Variants in MEF2C observed in about 807,000 individuals in gnomAD.
The protein encoded by MEF2C is myocyte-specific enhancer factor 2C.
Under a neutral mutation model 50.5 loss-of-function variants are expected in MEF2C, and 6 were observed. The observed-to-expected ratio is 0.12, with a 90% CI of 0.07 to 0.23. The LOEUF is 0.23. Ranked by LOEUF, MEF2C falls within the 10% of genes least tolerant of loss-of-function variation. The pLI, the probability that MEF2C is intolerant of heterozygous loss-of-function variation, is 1.00. For missense variants in MEF2C, 276 were observed against 605.0 expected, an observed-to-expected ratio of 0.46 and a Z score of 5.70; for synonymous variants, 183 against 228.0, an observed-to-expected ratio of 0.80 and a Z score of 1.78.
rs304144 is a variant in MEF2C at position 88,868,782 on chromosome 5, G to A, written c.-143+14173C>T. On this transcript the variant is annotated intron_variant, in intron 1 of 10. Transcript: ENST00000504921. ...AACAAAGCAATGAAATTACTTACAG[G>A]TTAGATAAAAAGTCGAGTTATCTGA... Among the ~76,000 whole-genome samples the A allele has an allele frequency of 2.2e-3, 341 of 152,188 alleles. 3 individuals carry two copies. The highest frequency in any genetic ancestry group is 7.9e-3 in the African/African-American group (329 of 41,542).
chr5:88,755,385 C>T (rs188071903), intron 4 of MEF2C, among the ~76,000 whole-genome samples: 1 of 152,274 alleles, frequency 6.6e-6, no homozygotes, highest in African/African-American at 2.4e-5. Context: ...TAACTAGTGA[C>T]TGAGTCTGTT....
At chr5:88,748,625 G>A (rs999530665) in intron 6 of MEF2C, among the ~76,000 whole-genome samples, 3 of 152,136 alleles carry the variant, frequency 2.0e-5, no homozygotes, top group Admixed American at 6.5e-5. Context: ...TAACAGTATT[G>A]TTGAATAATT....
chr5:88,878,119 A>G (rs1831672272), intron 1 of MEF2C: 1 of 152,062 alleles, frequency 6.6e-6, no homozygotes, highest in African/African-American at 2.4e-5. Flanking sequence ...CTTAAGTGAT[A>G]GTCAAATATT....
intron 2 of MEF2C, among the ~76,000 whole-genome samples, chr5:88,819,102 T>C (rs1277989154): frequency 6.6e-6 from 1 of 151,876 alleles, no homozygotes; most frequent in African/African-American, 2.4e-5. Flanking sequence ...TGCTAGAGGG[T>C]CACATAGCTA....
At chr5:88,866,221 T>A (rs111674446) in intron 1 of MEF2C, among the ~76,000 whole-genome samples, 5,359 of 152,308 alleles carry the variant, frequency 0.035, 101 homozygotes, top group Non-Finnish European at 0.041. Flanking sequence ...ATAGACGAAT[T>A]TTTAAATACA....
intron 1 of MEF2C, among the ~76,000 whole-genome samples, chr5:88,870,954 T>C (rs1422564237): frequency 1.3e-5 from 2 of 152,116 alleles, no homozygotes; most frequent in East Asian, 3.8e-4. Flanking sequence ...ATTGTAAATG[T>C]TGCTTGTGCT....
chr5:88,743,502 G>GT (rs1767853001), intron 6 of MEF2C: 1 of 984,616 alleles, frequency 1.0e-6, no homozygotes, highest in Non-Finnish European at 1.2e-6. Flanking sequence ...AATATGCTAA[G>GT]TTTTTTCTTT....
At chr5:88,798,974 T>C (rs866255133) in intron 3 of MEF2C, among the ~76,000 whole-genome samples, 16 of 152,240 alleles carry the variant, frequency 1.1e-4, no homozygotes, top group Admixed American at 3.9e-4. Context: ...CAGCAGAGGC[T>C]GGAGAACAGC....
At chr5:88,863,210 T>C (rs550128132) in intron 1 of MEF2C, among the ~76,000 whole-genome samples, 2 of 152,218 alleles carry the variant, frequency 1.3e-5, no homozygotes, top group Non-Finnish European at 2.9e-5. Context: ...TGCAGTATAG[T>C]GTTTATCACA....
intron 1 of MEF2C, among the ~76,000 whole-genome samples, chr5:88,829,092 G>A (rs541815620): frequency 6.6e-6 from 1 of 151,654 alleles, no homozygotes; most frequent in African/African-American, 2.4e-5. Context: ...TTCCAATTTA[G>A]TATCAATATG....
At chr5:88,821,812 C>G (rs1382301026) in intron 2 of MEF2C, among the ~76,000 whole-genome samples, 1 of 151,158 alleles carries the variant, frequency 6.6e-6, no homozygotes. Flanking sequence ...TTAATGGATA[C>G]AAAAATAGGT....
At chr5:88,843,805 C>CTTTT (rs35382083) in intron 1 of MEF2C, among the ~76,000 whole-genome samples, 4 of 129,862 alleles carry the variant, frequency 3.1e-5, no homozygotes, top group Non-Finnish European at 4.9e-5. Flanking sequence ...TCCTGTGAAA[C>CTTTT]TTTTTTTTTT....
intron 1 of MEF2C, chr5:88,838,500 T>C: frequency 1.1e-6 from 1 of 933,366 alleles, no homozygotes; most frequent in Non-Finnish European, 1.3e-6. Flanking sequence ...AGAATTGTCT[T>C]CCTGATAATG....
intron 1 of MEF2C, among the ~76,000 whole-genome samples, chr5:88,890,921 G>A (rs1834470468): frequency 6.6e-6 from 1 of 152,158 alleles, no homozygotes; most frequent in Non-Finnish European, 1.5e-5. Flanking sequence ...TCCCCTAACA[G>A]GGTCCAGTAT....
At chr5:88,786,733 T>C (rs949331827) in intron 3 of MEF2C, among the ~76,000 whole-genome samples, 1 of 152,224 alleles carries the variant, frequency 6.6e-6, no homozygotes, top group Admixed American at 6.5e-5. Context: ...TTAATGTCCA[T>C]ATATCACTAC....
At chr5:88,846,003 TGTTAAAA>T (rs1330052818) in intron 1 of MEF2C, among the ~76,000 whole-genome samples, 15 of 152,194 alleles carry the variant, frequency 9.9e-5, no homozygotes, top group African/African-American at 3.4e-4. Flanking sequence ...ATTAGAACTT[TGTTAAAA>T]GTGGTATAAC....
chr5:88,731,431 G>C (rs1411958084), intron 7 of MEF2C: 1 of 285,704 alleles, frequency 3.5e-6, no homozygotes, highest in Non-Finnish European at 6.7e-6. Flanking sequence ...CGATGGTAGT[G>C]TCTGATTTTT....
intron 1 of MEF2C, among the ~76,000 whole-genome samples, chr5:88,830,729 T>C (rs1812684554): frequency 1.3e-5 from 2 of 152,200 alleles, no homozygotes; most frequent in African/African-American, 2.4e-5. Context: ...TTCTAATTTT[T>C]CACAACAGTG....
chr5:88,849,356 T>C (rs1227252095), intron 1 of MEF2C, among the ~76,000 whole-genome samples: 1 of 152,148 alleles, frequency 6.6e-6, no homozygotes, highest in Non-Finnish European at 1.5e-5. Context: ...ATGGGAAATA[T>C]CTCTTCTTTG....
Sources: allele counts gnomAD v4.1 joint callset (sites outside exome capture counted in the v4.1 genomes callset), GRCh38; gene constraint gnomAD v4.1.1; transcripts MANE v1.5; gene names NCBI Gene and HGNC (gene_info 2026-07-23, HGNC 2026-07-21).